The following CAMK1D variants were observed in gnomAD, a reference collection of about 807,000 sequenced individuals.
CAMK1D encodes calcium/calmodulin-dependent protein kinase type 1D.
CAMK1D carries 9 observed loss-of-function variants against 47.7 expected under a neutral mutation model. The ratio of observed to expected loss-of-function variants is 0.19; its 90% CI spans 0.11 to 0.33. CAMK1D has a LOEUF of 0.33. CAMK1D is among the 10% of genes least tolerant of loss of function. CAMK1D has a pLI of 1.00. For synonymous variants in CAMK1D, 184 were observed against 184.9 expected (o/e 0.99, Z 0.04); for missense variants, 291 against 488.7 (o/e 0.60, Z 3.81).
chr10:12,816,196 G>A, intron 7 of CAMK1D, 54 bp from the exon 8 acceptor site: 2 of 1,463,888 alleles, frequency 1.4e-6, no homozygotes, highest in East Asian at 2.3e-5. Flanking sequence ...GGATCATATT[G>A]TCACATCTCA....
chr10:12,628,929 T>G (rs1240642250), intron 2 of CAMK1D, among the ~76,000 whole-genome samples: 1 of 152,228 alleles, frequency 6.6e-6, no homozygotes, highest in Non-Finnish European at 1.5e-5. Context: ...AAATGCACAG[T>G]TAAGTGGCTT....
intron 1 of CAMK1D, among the ~76,000 whole-genome samples, chr10:12,491,171 C>G (rs1206990729): frequency 7.8e-6 from 1 of 128,176 alleles, no homozygotes; most frequent in Non-Finnish European, 1.7e-5. Context: ...GTGTGTGTGT[C>G]TGCGTGCATG....
intron 1 of CAMK1D, among the ~76,000 whole-genome samples, chr10:12,419,305 G>A (rs1015488483): frequency 8.5e-5 from 13 of 152,082 alleles, no homozygotes; most frequent in Non-Finnish European, 1.5e-5. Context: ...AGGAGGTGAG[G>A]TTGGGAGCCT....
At chr10:12,673,756 A>C (rs1233963980) in intron 3 of CAMK1D, among the ~76,000 whole-genome samples, 1 of 152,164 alleles carries the variant, frequency 6.6e-6, no homozygotes, top group Non-Finnish European at 1.5e-5. Context: ...TAGTTATCCA[A>C]ATGAGTATAA....
intron 2 of CAMK1D, among the ~76,000 whole-genome samples, chr10:12,635,399 A>T (rs1185366643): frequency 9.2e-5 from 14 of 152,204 alleles, no homozygotes; most frequent in Admixed American, 8.5e-4. Context: ...AACTGTTCAG[A>T]TGTCACCGAT....
At chr10:12,497,475 CAAAAAAAAAA>C (rs56786154) in intron 1 of CAMK1D, among the ~76,000 whole-genome samples, 1 of 88,864 alleles carries the variant, frequency 1.1e-5, no homozygotes, top group African/African-American at 4.3e-5. Flanking sequence ...GACTCCATCT[CAAAAAAAAAA>C]AAAAAAAAAA....
At chr10:12,785,982 A>C (rs562340734) in intron 5 of CAMK1D, among the ~76,000 whole-genome samples, 3 of 152,188 alleles carry the variant, frequency 2.0e-5, no homozygotes, top group Admixed American at 6.5e-5. Flanking sequence ...CACCATATCA[A>C]ATTATCAGGA....
At chr10:12,553,437 C>G in intron 2 of CAMK1D, 81 bp downstream of exon 2, 1 of 1,243,406 alleles carries the variant, frequency 8.0e-7, no homozygotes, top group Non-Finnish European at 1.2e-6. Flanking sequence ...CGGAGGCAGA[C>G]TTTCCCCGGG....
intron 2 of CAMK1D, among the ~76,000 whole-genome samples, chr10:12,564,870 C>T (rs1375105618): frequency 6.6e-6 from 1 of 152,140 alleles, no homozygotes; most frequent in African/African-American, 2.4e-5. Context: ...TGTAAATGTA[C>T]TATATGTAGG....
In CAMK1D at chr10:12,666,834, A is replaced by C. The variant is rs750806997; in HGVS notation, c.299+24A>C. On this transcript the variant is annotated intron_variant, in intron 3 of 10. Transcript: ENST00000619168. ...CTGTAAGTACCTTGTTTGATTGATG[A>C]GTTTTGAACCAACTTGCAAACTCCA... The C allele has an allele frequency of 8.8e-6, 14 of 1,585,116 alleles. No homozygotes were observed. The East Asian group carries it at 2.9e-4, about 33-fold the overall frequency.
intron 1 of CAMK1D, among the ~76,000 whole-genome samples, chr10:12,427,750 C>A (rs900527196): frequency 1.1e-5 from 1 of 91,430 alleles, no homozygotes; most frequent in Non-Finnish European, 2.1e-5. Flanking sequence ...CTCTTTTGCC[C>A]AGGCTGGAGT....
At chr10:12,601,586 C>T (rs1838304461) in intron 2 of CAMK1D, among the ~76,000 whole-genome samples, 1 of 152,186 alleles carries the variant, frequency 6.6e-6, no homozygotes, top group African/African-American at 2.4e-5. Flanking sequence ...GTCTCAGCCT[C>T]CTGAGTAGCT....
intron 1 of CAMK1D, among the ~76,000 whole-genome samples, chr10:12,552,457 C>A (rs79429460): frequency 8.5e-5 from 13 of 152,286 alleles, no homozygotes; most frequent in African/African-American, 3.1e-4. Context: ...GTTTGCAGAG[C>A]GCTCTGAAAT....
intron 2 of CAMK1D, among the ~76,000 whole-genome samples, chr10:12,607,770 A>G (rs1838505813): frequency 1.3e-5 from 2 of 151,652 alleles, no homozygotes; most frequent in African/African-American, 4.8e-5. Flanking sequence ...AGACCAGCCT[A>G]AGCAACATGG....
intron 2 of CAMK1D, among the ~76,000 whole-genome samples, chr10:12,599,176 G>T (rs1235967598): frequency 6.6e-6 from 1 of 152,128 alleles, no homozygotes; most frequent in African/African-American, 2.4e-5. Flanking sequence ...CTTTTTGGGG[G>T]TTACTTGGAG....
chr10:12,517,084 A>T (rs146358737), intron 1 of CAMK1D, among the ~76,000 whole-genome samples: 1 of 152,144 alleles, frequency 6.6e-6, no homozygotes, highest in South Asian at 2.1e-4. Flanking sequence ...TCAGCATTTT[A>T]TCCTGTATGT....
chr10:12,491,369 A>T (rs1226992166), intron 1 of CAMK1D, among the ~76,000 whole-genome samples: 2 of 152,126 alleles, frequency 1.3e-5, no homozygotes, highest in Non-Finnish European at 2.9e-5. Context: ...ACCTGTATTT[A>T]TTTTATTAAC....
chr10:12,642,076 G>A (rs1422294623), intron 2 of CAMK1D, among the ~76,000 whole-genome samples: 4 of 151,566 alleles, frequency 2.6e-5, no homozygotes, highest in South Asian at 2.1e-4. Flanking sequence ...AGAAAAGGCC[G>A]CAGGCTTTTG....
At position 12,553,082 on chromosome 10, in the gene CAMK1D, A is replaced by G. The variant is rs539650119; in HGVS notation, c.93-143A>G. ...CTTTGCACAAAGATGTTTAGCAAGGAGCCACGGTGGATAAAAGTAACAGTA... is the reference window on the plus strand; with the variant it reads ...CTTTGCACAAAGATGTTTAGCAAGGGGCCACGGTGGATAAAAGTAACAGTA... On this transcript the variant is annotated intron_variant, in intron 1 of 10. Transcript: ENST00000619168. The G allele has an allele frequency of 1.2e-4, 181 of 1,476,038 alleles. No individual in the cohort carries two copies. In the African/African-American group the frequency reaches 2.3e-3, roughly 19 times the overall value. 91.4% of individuals were successfully genotyped at this position (1,476,038 alleles called of 1,614,324 possible).
Sources: allele counts gnomAD v4.1 joint callset (sites outside exome capture counted in the v4.1 genomes callset), GRCh38; gene constraint gnomAD v4.1.1; transcripts MANE v1.5; gene names NCBI Gene and HGNC (gene_info 2026-07-23, HGNC 2026-07-21).